The following COQ3 variants were observed in gnomAD, a reference collection of about 807,000 sequenced individuals.
COQ3 encodes coenzyme Q3, methyltransferase, also known as ubiquinone biosynthesis O-methyltransferase, mitochondrial.
COQ3 carries 29 observed loss-of-function variants against 33.1 expected under a neutral mutation model. The observed-to-expected ratio is 0.88, with a 90% CI of 0.65 to 1.19. The LOEUF (loss-of-function observed/expected upper bound fraction) is 1.19. Ranked by LOEUF, COQ3 falls within the 50% of genes most tolerant of loss-of-function variation. The pLI, the probability that COQ3 is intolerant of heterozygous loss-of-function variation, is 0.00. For missense variants in COQ3, 437 were observed against 430.7 expected (o/e 1.01, Z -0.13); for synonymous variants, 173 against 157.8 (o/e 1.10, Z -0.72).
chr6:99,384,143 G>A (rs1774550992), intron 1 of COQ3, among the ~76,000 whole-genome samples: 1 of 152,084 alleles, frequency 6.6e-6, no homozygotes, highest in Non-Finnish European at 1.5e-5. Context: ...GGGCTCAAGG[G>A]ATACTCCTGT....
Position 99,376,134 on chromosome 6 carries a change from C to T in COQ3, c.535G>A (p.Glu179Lys). Reference protein sequence around the residue: ...ASVIGIDPVDENIKTAQCHKS... With the variant: ...ASVIGIDPVDKNIKTAQCHKS... Reference sequence around the variant, plus strand: ...TGGCATTGTGCTGTTTTAATGTTCTCATCCACAGGGTCGATTCCAATAACT... The same window carrying T: ...TGGCATTGTGCTGTTTTAATGTTCTTATCCACAGGGTCGATTCCAATAACT... The change falls in exon 5 of 7, where the codon GAG becomes AAG. Residue 179 changes from glutamate to lysine, a missense_variant. Coordinates refer to ENST00000254759, the MANE Select transcript of COQ3 (RefSeq NM_017421.4). 1 of 1,614,122 alleles carries T rather than the reference C, an allele frequency of 6.2e-7. No homozygotes were observed. The highest frequency in any genetic ancestry group is 8.5e-7 in the Non-Finnish European group (1 of 1,180,010).
intron 3 of COQ3, among the ~76,000 whole-genome samples, chr6:99,379,075 T>C (rs1774392996): frequency 6.6e-6 from 1 of 151,932 alleles, no homozygotes. Context: ...GCAGGTTTGT[T>C]ACATGTGTAT....
At chr6:99,392,675 G>C (rs1224376721) in intron 1 of COQ3, among the ~76,000 whole-genome samples, 1 of 151,530 alleles carries the variant, frequency 6.6e-6, no homozygotes, top group African/African-American at 2.4e-5. Flanking sequence ...GCTCAGGCTG[G>C]AGTGCAATGG....
intron 1 of COQ3, among the ~76,000 whole-genome samples, chr6:99,386,946 T>A (rs1399467189): frequency 1.3e-5 from 2 of 152,114 alleles, no homozygotes; most frequent in Non-Finnish European, 2.9e-5. Context: ...CCAACATTAC[T>A]CTGATACAAA....
At chr6:99,394,032 C>T in intron 1 of COQ3, 42 bp downstream of exon 1, 3 of 1,539,754 alleles carry the variant, frequency 1.9e-6, no homozygotes, top group Non-Finnish European at 2.7e-6. Flanking sequence ...CGCCAGCGCT[C>T]GCAATTGACT....
intron 2 of COQ3, among the ~76,000 whole-genome samples, chr6:99,380,822 G>A (rs1306962520): frequency 4.6e-5 from 7 of 152,012 alleles, no homozygotes; most frequent in South Asian, 2.1e-4. Flanking sequence ...CAGGAGAATC[G>A]CTTGAATCCG....
chr6:99,375,465 C>A (rs1389936534), intron 5 of COQ3, among the ~76,000 whole-genome samples: 1 of 151,556 alleles, frequency 6.6e-6, no homozygotes, highest in South Asian at 2.1e-4. Context: ...CTCACTGCAA[C>A]CTCCACCTCC....
chr6:99,379,650 C>G (rs889447510), intron 3 of COQ3, among the ~76,000 whole-genome samples: 1 of 152,000 alleles, frequency 6.6e-6, no homozygotes, highest in African/African-American at 2.4e-5. Context: ...AGGTCAGGAG[C>G]TTGAGATCAG....
chr6:99,385,741 C>T (rs748397569), intron 1 of COQ3, among the ~76,000 whole-genome samples: 2 of 151,942 alleles, frequency 1.3e-5, no homozygotes, highest in Non-Finnish European at 2.9e-5. Flanking sequence ...CTTTGGGAGG[C>T]CGAGGCAGGC....
At chr6:99,393,970 T>C in intron 1 of COQ3, 104 bp downstream of exon 1, 3 of 920,672 alleles carry the variant, frequency 3.3e-6, no homozygotes, top group Non-Finnish European at 5.2e-6. Flanking sequence ...CGCTGACCCC[T>C]CGCGAGGTCC....
Position 99,374,190 on chromosome 6 carries a change from C to G in COQ3, c.729+1750G>C, listed in dbSNP as rs116814482. Among the ~76,000 whole-genome samples, 287 of 150,788 alleles carry G rather than the reference C, an allele frequency of 1.9e-3. 3 individuals carry two copies. Among genetic ancestry groups the G allele is most frequent in the African/African-American group, 6.6e-3 (272 of 41,036 alleles). On this transcript the variant is annotated intron_variant, in intron 5 of 6. Transcript: ENST00000254759. ...TGTAGTGCAGTTAATAAGTATAATGCTGATGTTAATTTCTTAGTTTTGAGA... is the reference window on the plus strand; with the variant it reads ...TGTAGTGCAGTTAATAAGTATAATGGTGATGTTAATTTCTTAGTTTTGAGA...
chr6:99,379,044 T>C (rs183918481), intron 3 of COQ3, among the ~76,000 whole-genome samples: 17 of 151,768 alleles, frequency 1.1e-4, no homozygotes, highest in Admixed American at 3.3e-4. Context: ...CTTTAAGTTT[T>C]AGGGTACATG....
chr6:99,372,963 CAA>C (rs1562201463), intron 5 of COQ3, among the ~76,000 whole-genome samples: 1 of 152,012 alleles, frequency 6.6e-6, no homozygotes, highest in Admixed American at 6.6e-5. Flanking sequence ...ATAAAAAAGA[CAA>C]GAGAGGGCCC....
rs149717575 is a variant in COQ3 at position 99,383,734 on chromosome 6, G to C, written c.197C>G (p.Thr66Arg). ...YRTIWFKSYR[T>R]IFSCLNRIKS... ...TATTCTGTTCAAACAGGAAAAGATC[G>C]TCCTGTAGGATTTGAACCATATGGT... Residue 66 changes from threonine (T) to arginine (R), a missense_variant, in exon 2 of 7, where the codon ACG becomes AGG. Transcript: ENST00000254759. 2 of 1,603,974 alleles carry C rather than the reference G, an allele frequency of 1.2e-6. No individual in the cohort carries two copies. The highest frequency in any genetic ancestry group is 1.7e-6 in the Non-Finnish European group (2 of 1,175,946).
chr6:99,390,005 T>C (rs1774776829), intron 1 of COQ3, among the ~76,000 whole-genome samples: 1 of 151,986 alleles, frequency 6.6e-6, no homozygotes, highest in Non-Finnish European at 1.5e-5. Context: ...TCCCAGTTAC[T>C]TGGGAGGCTG....
chr6:99,369,548 A>G lies in COQ3; in HGVS notation c.*52T>C, dbSNP rs1774062626. On this transcript the variant is annotated 3_prime_UTR_variant, in exon 7 of 7. Transcript: ENST00000254759. ...CAAAGGATAAATTGTACATTTTTGTATTTGAAAACATCAGATATCCAAGCC... is the reference window on the plus strand; with the variant it reads ...CAAAGGATAAATTGTACATTTTTGTGTTTGAAAACATCAGATATCCAAGCC... The G allele has an allele frequency of 7.8e-7, 1 of 1,275,442 alleles. No individual in the cohort carries two copies. Among genetic ancestry groups the G allele is most frequent in the Non-Finnish European group, 1.1e-6 (1 of 890,102 alleles). The allele number at this position is 1,275,442 out of a possible 1,614,324, so 79.0% of individuals were successfully genotyped here.
chr6:99,380,387 G>A (rs4612169), intron 2 of COQ3, 46 bp from the exon 3 acceptor site: 2 of 1,583,800 alleles, frequency 1.3e-6, no homozygotes, highest in Non-Finnish European at 1.7e-6. Flanking sequence ...CTGTTTTGAA[G>A]AAATGTTTAA....
At position 99,371,581 on chromosome 6, in the gene COQ3, C is replaced by G; in HGVS notation, c.736G>C (p.Gly246Arg). The change falls in exon 6 of 7, where the codon GGT becomes CGT. Residue 246 changes from glycine (G) to arginine (R), a missense_variant. Coordinates refer to ENST00000254759, the MANE Select transcript of COQ3 (RefSeq NM_017421.4). ...QCCCQVLKPG[G>R]SLFITTINKT... The stretch of plus-strand genomic sequence containing the variant: ...TTGATTGTAGTAATGAATAAAGAAC[C>G]ACCGGGCTAAAAGAAATGAAATTAT... 1.3e-6 allele frequency: 2 copies of G among 1,589,918 alleles called. No individual in the cohort carries two copies. The highest frequency in any genetic ancestry group is 1.7e-6 in the Non-Finnish European group (2 of 1,168,134).
chr6:99,374,986 C>CTTT (rs781414728), intron 5 of COQ3, among the ~76,000 whole-genome samples: 2 of 140,298 alleles, frequency 1.4e-5, no homozygotes, highest in Non-Finnish European at 3.1e-5. Flanking sequence ...CAATTTCTTT[C>CTTT]TTTTTTTTTT....
Sources: gnomAD v4.1 joint callset for allele counts (sites outside exome capture counted in the v4.1 genomes callset) on GRCh38, gnomAD v4.1.1 for gene constraint, MANE v1.5 for transcripts, NCBI Gene and HGNC (gene_info 2026-07-23, HGNC 2026-07-21) for gene names.